Variants in SORL1 observed in about 807,000 individuals in gnomAD.
The protein encoded by SORL1 is sortilin-related receptor.
SORL1 carries 127 observed loss-of-function variants against 273.7 expected under a neutral mutation model. The observed-to-expected ratio is 0.46, with a 90% CI of 0.40 to 0.54. The LOEUF (loss-of-function observed/expected upper bound fraction) is 0.54, where lower values mean the gene tolerates loss of function less well. Among genes scored for constraint, SORL1 ranks in the 20% least tolerant of loss-of-function variants. SORL1 has a pLI of 0.00. For synonymous variants in SORL1, 1,031 were observed against 1,067.4 expected (o/e 0.97, Z 0.66); for missense variants, 2,494 against 2,846.1 (o/e 0.88, Z 2.81).
chr11:121,595,833 T>C lies in SORL1; in HGVS notation c.4519+61T>C. 2 of 1,542,938 alleles carry C rather than the reference T, an allele frequency of 1.3e-6. No individual in the cohort carries two copies. Among genetic ancestry groups the C allele is most frequent in the Non-Finnish European group, 1.8e-6 (2 of 1,135,268 alleles). Reference sequence around the variant, plus strand: ...GTTTCTGCAGAGAGCACAGTTCTGGTGCTTCTGCTTCATTTCTGGATCAGC... The same window carrying C: ...GTTTCTGCAGAGAGCACAGTTCTGGCGCTTCTGCTTCATTTCTGGATCAGC... On this transcript the variant is annotated intron_variant, in intron 32 of 47. Coordinates refer to ENST00000260197, the MANE Select transcript of SORL1 (RefSeq NM_003105.6). This position sits in a 1 kb window ranked among gnomAD's most constrained non-coding sequence, Gnocchi z 5.1.
chr11:121,559,735 A>G, intron 21 of SORL1, 78 bp downstream of exon 21: 1 of 1,372,492 alleles, frequency 7.3e-7, no homozygotes, highest in South Asian at 1.3e-5. Flanking sequence ...CTCTGCTCAG[A>G]GTAGGAGCTG....
chr11:121,535,326 A>C lies in SORL1; in HGVS notation c.1685+2774A>C, dbSNP rs116346933. 1.9e-3 allele frequency among the ~76,000 whole-genome samples: 295 copies of C among 152,354 alleles called. 1 individual carries two copies. Among genetic ancestry groups the C allele is most frequent in the African/African-American group, 6.6e-3 (276 of 41,578 alleles). On this transcript the variant is annotated intron_variant, in intron 12 of 47. Coordinates refer to ENST00000260197, the MANE Select transcript of SORL1 (RefSeq NM_003105.6). The stretch of plus-strand genomic sequence containing the variant: ...GGGAATAAGAGATTAGTCAGGAGTT[A>C]ATGCCCACACTGGAACTTGAGCATA...
In SORL1 at chr11:121,619,894, T is replaced by A. The variant is rs771798739; in HGVS notation, c.5866T>A (p.Tyr1956Asn). 6.2e-7 allele frequency: 1 copy of A among 1,613,862 alleles called. No homozygotes were observed. The highest frequency in any genetic ancestry group is 1.3e-5 in the African/African-American group (1 of 74,904). Residue 1956 changes from tyrosine to asparagine, a missense_variant, in exon 43 of 48, where the codon TAT (tyrosine) becomes AAT (asparagine). Transcript: ENST00000260197. Reference sequence around the variant, plus strand: ...CGTGGTCATCAAGTGGGAATCACCGTATGACTCTCCTGACCAGGACTTGGT... The same window carrying A: ...CGTGGTCATCAAGTGGGAATCACCGAATGACTCTCCTGACCAGGACTTGGT... ...TSVVIKWESP[Y>N]DSPDQDLLYA...
chr11:121,456,208 C>G (rs935604190), intron 1 of SORL1, among the ~76,000 whole-genome samples: 1 of 152,192 alleles, frequency 6.6e-6, no homozygotes. Context: ...CATTCTTTAA[C>G]ATCCAAGGAA....
chr11:121,463,309 G>T (rs968781386), intron 1 of SORL1, among the ~76,000 whole-genome samples: 4 of 151,874 alleles, frequency 2.6e-5, no homozygotes, highest in African/African-American at 9.7e-5. Context: ...ATGTTCATGA[G>T]AAAGAGAGTT....
rs779405447 is a variant in SORL1, at chr11:121,627,431, G to C, written c.6365-124G>C. On this transcript the variant is annotated intron_variant, in intron 46 of 47. Transcript: ENST00000260197. This position sits in a 1 kb window ranked among gnomAD's most constrained non-coding sequence, Gnocchi z 4.9. The stretch of plus-strand genomic sequence containing the variant: ...GCACATGCAGAAACGTCTCACACCA[G>C]ACAGGCAGTTTGTGTAGCTGTGGCT... 4 of 751,860 alleles carry C rather than the reference G, an allele frequency of 5.3e-6. No homozygotes were observed. The highest frequency in any genetic ancestry group is 2.1e-5 in the Admixed American group (1 of 48,468). The allele number at this position is 751,860 out of a possible 1,614,324, so 46.6% of individuals were successfully genotyped here.
rs762664000 is a variant in SORL1, at chr11:121,558,705, C to T, written c.2778C>T (p.Ile926=). Residue 926 remains isoleucine, a synonymous_variant, in exon 20 of 48, where the codon ATC becomes ATT. Transcript: ENST00000260197. ...VSEDVKWPNG[I]SVDDQWIYWT... is the part of the protein sequence containing the mutation. ...AGGATGTGAAGTGGCCCAATGGCAT[C>T]TCTGTGGACGACCAGTGGATTTACT... 8 of 1,614,186 alleles carry T rather than the reference C, an allele frequency of 5.0e-6. No homozygotes were observed. In the Admixed American group the frequency reaches 1.2e-4, roughly 24 times the overall value.
At chr11:121,548,568 T>C (rs980289954) in intron 14 of SORL1, among the ~76,000 whole-genome samples, 15 of 152,206 alleles carry the variant, frequency 9.9e-5, no homozygotes, top group African/African-American at 3.4e-4. Context: ...GTTTTTCTTT[T>C]TGTTTTTTGT....
chr11:121,500,204 G>A (rs1357215329), intron 6 of SORL1, among the ~76,000 whole-genome samples: 3 of 152,226 alleles, frequency 2.0e-5, no homozygotes, highest in Admixed American at 2.0e-4. Flanking sequence ...TCTTTCAGTA[G>A]ATAACAGTAA....
intron 2 of SORL1, among the ~76,000 whole-genome samples, chr11:121,474,871 T>C (rs1457933512): frequency 6.6e-6 from 1 of 152,264 alleles, no homozygotes; most frequent in Non-Finnish European, 1.5e-5. Context: ...TTTTCTGGGC[T>C]GTTCAATGTG....
intron 17 of SORL1, 38 bp from the exon 18 acceptor site, chr11:121,555,149 A>G: frequency 6.3e-7 from 1 of 1,592,550 alleles, no homozygotes; most frequent in East Asian, 2.3e-5. Context: ...GGTCGTTTGA[A>G]CAGTTCCTAG....
chr11:121,575,420 T>C (rs1591334331), intron 24 of SORL1, among the ~76,000 whole-genome samples: 1 of 152,250 alleles, frequency 6.6e-6, no homozygotes, highest in African/African-American at 2.4e-5. Flanking sequence ...CCAGACGTGG[T>C]GATGAGTTGG....
rs765745158 is a variant in SORL1 at position 121,543,596 on chromosome 11, G to A, written c.1734G>A (p.Glu578=). The change falls in exon 13 of 48, where the codon GAG becomes GAA. Residue 578 remains glutamate (E), a synonymous_variant. Transcript: ENST00000260197. ...CCTGGAAAACATTCATCTTCTCTGA[G>A]AAGCCAGTGTTTGTGTATGGCCTCC... is the stretch of plus-strand genomic sequence containing the variant. ...GETWKTFIFS[E]KPVFVYGLLT... The A allele has an allele frequency of 1.2e-6, 2 of 1,614,010 alleles. No individual in the cohort carries two copies. The highest frequency in any genetic ancestry group is 3.3e-5 in the Admixed American group (2 of 60,006).
intron 7 of SORL1, among the ~76,000 whole-genome samples, chr11:121,513,623 C>G (rs1446625774): frequency 2.0e-5 from 3 of 152,158 alleles, no homozygotes; most frequent in African/African-American, 7.2e-5. Flanking sequence ...ATTAGAGGAG[C>G]TGCCACAGGG....
intron 12 of SORL1, among the ~76,000 whole-genome samples, chr11:121,538,061 A>T (rs1336366588): frequency 6.6e-6 from 1 of 152,162 alleles, no homozygotes; most frequent in Non-Finnish European, 1.5e-5. Flanking sequence ...TGGCCCCAAT[A>T]GCCTGAAACA....
At chr11:121,485,630 A>C (rs562818795) in intron 3 of SORL1, among the ~76,000 whole-genome samples, 1 of 152,222 alleles carries the variant, frequency 6.6e-6, no homozygotes, top group Non-Finnish European at 1.5e-5. Flanking sequence ...GGATTCTCCA[A>C]TGTGAGACTG....
At chr11:121,569,857 G>T (rs889107921) in intron 22 of SORL1, among the ~76,000 whole-genome samples, 3 of 152,100 alleles carry the variant, frequency 2.0e-5, no homozygotes, top group Non-Finnish European at 4.4e-5. Context: ...ATAAAAACTT[G>T]GTGGTTTTAC....
intron 9 of SORL1, among the ~76,000 whole-genome samples, chr11:121,521,686 A>G (rs1255238909): frequency 1.3e-5 from 2 of 152,222 alleles, no homozygotes; most frequent in African/African-American, 2.4e-5. Context: ...GAGCAAATAA[A>G]TATTTCTTTG....
chr11:121,585,751 A>G (rs1430459723), intron 26 of SORL1, among the ~76,000 whole-genome samples: 1 of 152,068 alleles, frequency 6.6e-6, no homozygotes, highest in Non-Finnish European at 1.5e-5. Context: ...AACTTTGCGT[A>G]TTGTTTTGCA....
Sources: allele counts gnomAD v4.1 joint callset (sites outside exome capture counted in the v4.1 genomes callset), GRCh38; gene constraint gnomAD v4.1.1; non-coding constraint Gnocchi (gnomAD v3.1); transcripts MANE v1.5; gene names NCBI Gene and HGNC (gene_info 2026-07-23, HGNC 2026-07-21).